The following DOCK3 variants were observed in gnomAD, a reference collection of about 807,000 sequenced individuals.
The protein encoded by DOCK3 is dedicator of cytokinesis protein 3.
In DOCK3, 60 loss-of-function variants were observed where a neutral mutation model predicts 265.6. That is an observed-to-expected ratio of 0.23 (90% CI 0.18 to 0.28). The LOEUF (loss-of-function observed/expected upper bound fraction) is 0.28. Ranked by LOEUF, DOCK3 falls within the 10% of genes least tolerant of loss-of-function variation. DOCK3 has a pLI of 1.00. For missense variants in DOCK3, 1,981 were observed against 2,594.3 expected (o/e 0.76, Z 5.14); for synonymous variants, 881 against 938.0 (o/e 0.94, Z 1.11).
Position 51,228,833 on chromosome 3 carries a change from G to A in DOCK3, c.1819+1G>A. 6.2e-7 allele frequency: 1 copy of A among 1,613,642 alleles called. No homozygotes were observed. Among genetic ancestry groups the A allele is most frequent in the Non-Finnish European group, 8.5e-7 (1 of 1,179,690 alleles). On this transcript the variant is annotated splice_donor_variant, in intron 18 of 52. Transcript: ENST00000266037. LOFTEE classifies it high-confidence loss of function. ...TCCTCTACCAAACTCACCCAGAATG[G>A]TAGGTGATAATGCCTGCAGGGTGGT...
chr3:50,743,028 G>A (rs2039168281), intron 1 of DOCK3, among the ~76,000 whole-genome samples: 2 of 152,244 alleles, frequency 1.3e-5, no homozygotes, highest in African/African-American at 2.4e-5. Context: ...AGAGAGTGGA[G>A]GCCAATATTC....
intron 1 of DOCK3, among the ~76,000 whole-genome samples, chr3:50,767,568 GT>G (rs1320071614): frequency 6.6e-6 from 1 of 152,100 alleles, no homozygotes; most frequent in African/African-American, 2.4e-5. Flanking sequence ...TTCCAGCTTT[GT>G]TCTTGTGGCT....
chr3:50,968,185 T>C (rs1270226501), intron 5 of DOCK3, among the ~76,000 whole-genome samples: 2 of 152,202 alleles, frequency 1.3e-5, no homozygotes, highest in Non-Finnish European at 2.9e-5. Flanking sequence ...TTCATTTTTC[T>C]TTTGAGACAA....
chr3:50,998,576 T>G (rs1039608894), intron 5 of DOCK3, among the ~76,000 whole-genome samples: 4 of 152,210 alleles, frequency 2.6e-5, no homozygotes, highest in Admixed American at 2.6e-4. Flanking sequence ...TCTGAATACT[T>G]TCTTCCTAGA....
At chr3:50,771,084 C>T (rs1488804845) in intron 1 of DOCK3, among the ~76,000 whole-genome samples, 2 of 152,108 alleles carry the variant, frequency 1.3e-5, no homozygotes, top group Admixed American at 1.3e-4. Flanking sequence ...AACCAAAGCA[C>T]ACATGGACAA....
intron 1 of DOCK3, among the ~76,000 whole-genome samples, chr3:50,745,576 A>G (rs550818826): frequency 3.9e-5 from 6 of 152,320 alleles, no homozygotes; most frequent in Admixed American, 6.5e-5. Context: ...GAACATGTCC[A>G]TGCTGATTCT....
rs546988397 is a variant in DOCK3, at chr3:51,010,676, T to G, written c.316-53772T>G. Among the ~76,000 whole-genome samples the G allele has an allele frequency of 8.5e-5, 13 of 152,322 alleles. No homozygotes were observed. In the South Asian group the frequency reaches 2.7e-3, roughly 32 times the overall value. On this transcript the variant is annotated intron_variant, in intron 5 of 52. Transcript: ENST00000266037. ...ATCCTGTCATTATGATGTTAGCTGG[T>G]TATTTTGCTCGTTAGTTGATGCAGT... is the stretch of plus-strand genomic sequence containing the variant.
At chr3:50,851,017 T>C (rs1186985379) in intron 3 of DOCK3, among the ~76,000 whole-genome samples, 1 of 152,148 alleles carries the variant, frequency 6.6e-6, no homozygotes, top group Admixed American at 6.5e-5. Context: ...ACCATGCAGG[T>C]CTGCCTATAG....
intron 5 of DOCK3, among the ~76,000 whole-genome samples, chr3:51,010,582 G>A (rs1267527596): frequency 6.6e-6 from 1 of 152,148 alleles, no homozygotes; most frequent in Non-Finnish European, 1.5e-5. Context: ...CAAGTTGCCA[G>A]TCTGTGTCTT....
At chr3:51,263,489 A>G (rs1177759879) in intron 23 of DOCK3, among the ~76,000 whole-genome samples, 1 of 152,246 alleles carries the variant, frequency 6.6e-6, no homozygotes, top group African/African-American at 2.4e-5. Context: ...AGGATCATCG[A>G]CACTATGAAG....
chr3:51,194,430 G>A (rs956395476), intron 12 of DOCK3, among the ~76,000 whole-genome samples: 20 of 152,318 alleles, frequency 1.3e-4, no homozygotes, highest in Non-Finnish European at 2.2e-4. Context: ...TGGGTCTAAA[G>A]TGCAACTTAA....
chr3:51,131,982 C>G (rs1187416255), intron 9 of DOCK3, among the ~76,000 whole-genome samples: 1 of 152,118 alleles, frequency 6.6e-6, no homozygotes, highest in Non-Finnish European at 1.5e-5. Context: ...GTCTTCTGGA[C>G]CCTCCCAGCT....
intron 26 of DOCK3, among the ~76,000 whole-genome samples, chr3:51,278,785 GATA>G (rs2080957667): frequency 1.3e-5 from 2 of 152,044 alleles, no homozygotes; most frequent in South Asian, 4.2e-4. Flanking sequence ...TAATGAGGAT[GATA>G]ATAACTATAA....
intron 5 of DOCK3, among the ~76,000 whole-genome samples, chr3:50,955,494 T>C (rs554673849): frequency 6.6e-6 from 1 of 152,302 alleles, no homozygotes; most frequent in African/African-American, 2.4e-5. Context: ...CCATGAATAC[T>C]ATACAGCCAT....
intron 49 of DOCK3, among the ~76,000 whole-genome samples, chr3:51,363,516 C>A (rs974964814): frequency 2.6e-5 from 4 of 152,236 alleles, no homozygotes; most frequent in African/African-American, 9.6e-5. Context: ...ACTTTAAGTT[C>A]TATGGTACAT....
Position 50,698,229 on chromosome 3 carries a change from G to A in DOCK3, c.37+22929G>A, listed in dbSNP as rs187922101. On this transcript the variant is annotated intron_variant, in intron 1 of 52. Transcript: ENST00000266037. ...CCCCTAATTGGCTTTTTGTCTCTAAGGATTTGCCTATTCTAGGCATTTCAT... is the reference window on the plus strand; with the variant it reads ...CCCCTAATTGGCTTTTTGTCTCTAAAGATTTGCCTATTCTAGGCATTTCAT... 2.1e-3 allele frequency among the ~76,000 whole-genome samples: 323 copies of A among 151,882 alleles called. 2 individuals carry two copies. Among genetic ancestry groups the A allele is most frequent in the African/African-American group, 7.5e-3 (310 of 41,406 alleles).
intron 3 of DOCK3, among the ~76,000 whole-genome samples, chr3:50,883,809 A>T (rs1559766150): frequency 6.6e-6 from 1 of 152,202 alleles, no homozygotes; most frequent in Non-Finnish European, 1.5e-5. Context: ...AATGTTTTAC[A>T]AACATCACCA....
At chr3:51,015,035 T>C (rs965447892) in intron 5 of DOCK3, among the ~76,000 whole-genome samples, 1 of 152,146 alleles carries the variant, frequency 6.6e-6, no homozygotes, top group African/African-American at 2.4e-5. Context: ...AGTTGTTTTG[T>C]GGAGTTTTTA....
At chr3:50,955,952 T>A (rs2076717795) in intron 5 of DOCK3, among the ~76,000 whole-genome samples, 2 of 152,216 alleles carry the variant, frequency 1.3e-5, no homozygotes, top group Admixed American at 1.3e-4. Context: ...GTTGAAATTA[T>A]CATTTCAAAT....
Sources: gnomAD v4.1 joint callset for allele counts (sites outside exome capture counted in the v4.1 genomes callset) on GRCh38, gnomAD v4.1.1 for gene constraint, MANE v1.5 for transcripts, NCBI Gene and HGNC (gene_info 2026-07-23, HGNC 2026-07-21) for gene names.